The following LUZP1 variants were observed in gnomAD, a reference collection of about 807,000 sequenced individuals.
LUZP1 encodes leucine zipper protein 1.
Under a neutral mutation model 71.3 loss-of-function variants are expected in LUZP1, and 25 were observed. The ratio of observed to expected loss-of-function variants is 0.35; its 90% CI spans 0.26 to 0.49. The LOEUF is 0.49. Ranked by LOEUF, LUZP1 falls within the 20% of genes least tolerant of loss-of-function variation. The pLI, the probability that LUZP1 is intolerant of heterozygous loss-of-function variation, is 0.99. For synonymous variants in LUZP1, 481 were observed against 506.4 expected, an observed-to-expected ratio of 0.95 and a Z score of 0.67; for missense variants, 1,142 against 1,300.8, an observed-to-expected ratio of 0.88 and a Z score of 1.88.
intron 2 of LUZP1, among the ~76,000 whole-genome samples, chr1:23,142,081 G>A (rs1172221901): frequency 6.6e-6 from 1 of 151,412 alleles, no homozygotes; most frequent in Non-Finnish European, 1.5e-5. Flanking sequence ...CCCAACCTCA[G>A]GTGACCCACC....
At chr1:23,113,948 CTG>C (rs1644056866) in intron 2 of LUZP1, among the ~76,000 whole-genome samples, 1 of 148,714 alleles carries the variant, frequency 6.7e-6, no homozygotes, top group Admixed American at 6.7e-5. Context: ...AGAAGAGAAA[CTG>C]AAAAAAAAAA....
At chr1:23,116,489 G>A (rs1192233216) in intron 2 of LUZP1, among the ~76,000 whole-genome samples, 4 of 151,814 alleles carry the variant, frequency 2.6e-5, no homozygotes, top group Non-Finnish European at 4.4e-5. Flanking sequence ...TCACTGCTGG[G>A]TGACAGAGCA....
chr1:23,131,844 C>A (rs1266035141), intron 2 of LUZP1, among the ~76,000 whole-genome samples: 1 of 152,166 alleles, frequency 6.6e-6, no homozygotes, highest in Non-Finnish European at 1.5e-5. Context: ...TGCCATCACA[C>A]CCAGCTAATT....
At chr1:23,114,271 A>C (rs1238649198) in intron 2 of LUZP1, among the ~76,000 whole-genome samples, 1 of 152,184 alleles carries the variant, frequency 6.6e-6, no homozygotes, top group African/African-American at 2.4e-5. Context: ...GCAAGGGGAA[A>C]ATAATTTTAT....
chr1:23,118,676 A>T (rs1644105874), intron 2 of LUZP1, among the ~76,000 whole-genome samples: 1 of 152,218 alleles, frequency 6.6e-6, no homozygotes, highest in South Asian at 2.1e-4. Flanking sequence ...TACTTTAAAA[A>T]GGCCTCAGTT....
intron 2 of LUZP1, among the ~76,000 whole-genome samples, chr1:23,151,729 G>A (rs1416316668): frequency 1.3e-5 from 2 of 152,154 alleles, no homozygotes; most frequent in Non-Finnish European, 2.9e-5. Flanking sequence ...TAATGGCCAG[G>A]TGCAGTGGCT....
intron 2 of LUZP1, among the ~76,000 whole-genome samples, chr1:23,109,997 C>T (rs1644014802): frequency 6.6e-6 from 1 of 152,128 alleles, no homozygotes; most frequent in Non-Finnish European, 1.5e-5. Context: ...GAGCACTATG[C>T]TTTATGTTTT....
intron 2 of LUZP1, among the ~76,000 whole-genome samples, chr1:23,162,102 G>A (rs953389976): frequency 6.6e-5 from 10 of 150,436 alleles, no homozygotes; most frequent in Admixed American, 3.3e-4. Context: ...ATTTTTGCAC[G>A]GTCACATTAG....
intron 2 of LUZP1, among the ~76,000 whole-genome samples, chr1:23,166,653 C>CAA (rs538327046): frequency 0.015 from 1,033 of 69,914 alleles, 16 homozygotes; most frequent in South Asian, 0.032. Context: ...CACTCCGTCT[C>CAA]AAAAAAAAAA....
At chr1:23,120,911 T>C (rs1202998739) in intron 2 of LUZP1, among the ~76,000 whole-genome samples, 1 of 152,192 alleles carries the variant, frequency 6.6e-6, no homozygotes, top group Non-Finnish European at 1.5e-5. Flanking sequence ...TCCACTCCCC[T>C]GGCCTCTACA....
At chr1:23,101,719 G>A (rs1643932827) in intron 3 of LUZP1, among the ~76,000 whole-genome samples, 1 of 152,132 alleles carries the variant, frequency 6.6e-6, no homozygotes, top group Admixed American at 6.5e-5. Context: ...CTGACCTTTT[G>A]GCCCTAAGTA....
At chr1:23,172,252 T>C (rs919807576) in intron 1 of LUZP1, among the ~76,000 whole-genome samples, 4 of 152,170 alleles carry the variant, frequency 2.6e-5, no homozygotes, top group African/African-American at 2.4e-5. Context: ...CTATTGGGCA[T>C]TGTTAAGTGA....
At chr1:23,167,120 A>G (rs2148216732) in intron 2 of LUZP1, among the ~76,000 whole-genome samples, 1 of 152,306 alleles carries the variant, frequency 6.6e-6, no homozygotes, top group African/African-American at 2.4e-5. Context: ...GGGGTAATTC[A>G]ATTTAACCAC....
chr1:23,174,297 T>C (rs918093474), intron 1 of LUZP1, among the ~76,000 whole-genome samples: 3 of 152,104 alleles, frequency 2.0e-5, no homozygotes, highest in Non-Finnish European at 2.9e-5. Flanking sequence ...TTTTCCTTCC[T>C]CCTCTTTTTT....
At chr1:23,142,712 C>G (rs1180742807) in intron 2 of LUZP1, among the ~76,000 whole-genome samples, 1 of 62,730 alleles carries the variant, frequency 1.6e-5, no homozygotes, top group Non-Finnish European at 3.3e-5. Flanking sequence ...CACACACACA[C>G]ACACACACAC....
intron 2 of LUZP1, among the ~76,000 whole-genome samples, chr1:23,122,420 T>A (rs1463706707): frequency 2.0e-5 from 3 of 152,202 alleles, no homozygotes; most frequent in African/African-American, 7.2e-5. Flanking sequence ...GGGCAGTGAC[T>A]TAGCACGAGG....
intron 2 of LUZP1, among the ~76,000 whole-genome samples, chr1:23,143,197 C>T (rs1304740341): frequency 2.0e-5 from 3 of 151,806 alleles, no homozygotes; most frequent in Non-Finnish European, 4.4e-5. Context: ...TTAGTAGAGA[C>T]GGGGTTTCAC....
chr1:23,111,823 A>T (rs1258810849), intron 2 of LUZP1, among the ~76,000 whole-genome samples: 1 of 144,914 alleles, frequency 6.9e-6, no homozygotes, highest in Non-Finnish European at 1.5e-5. Flanking sequence ...CCACACACAC[A>T]CTCATCTTCT....
chr1:23,085,728 C>T (rs1296405117), exon 5 of LUZP1: 1 of 152,314 alleles, frequency 6.6e-6, no homozygotes, highest in Admixed American at 6.6e-5. Context: ...GGGTGGCATC[C>T]TTGGCCCCAC....
Sources: gnomAD v4.1 joint callset for allele counts (sites outside exome capture counted in the v4.1 genomes callset) on GRCh38, gnomAD v4.1.1 for gene constraint, MANE v1.5 for transcripts, NCBI Gene and HGNC (gene_info 2026-07-23, HGNC 2026-07-21) for gene names.